Variants in CDH5 observed in about 807,000 individuals in gnomAD.
The protein encoded by CDH5 is cadherin 5, also known as cadherin-5.
A neutral mutation model predicts 62.0 loss-of-function variants in CDH5; 28 were observed. The ratio of observed to expected loss-of-function variants is 0.45; its 90% CI spans 0.33 to 0.62. The LOEUF (loss-of-function observed/expected upper bound fraction) is 0.62. CDH5 is among the 20% of genes least tolerant of loss of function. CDH5 has a pLI of 0.02. For synonymous variants in CDH5, 464 were observed against 445.8 expected (o/e 1.04, Z -0.52); for missense variants, 940 against 1,065.1 (o/e 0.88, Z 1.63).
At chr16:66,398,652 A>G (rs1961231607) in intron 10 of CDH5, 91 bp downstream of exon 10, 1 of 700,428 alleles carries the variant, frequency 1.4e-6, no homozygotes, top group Non-Finnish European at 2.6e-6. Flanking sequence ...AGATCGCTTG[A>G]GCCCAGGAGT....
chr16:66,376,331 CCAAA>C (rs1247303439), intron 1 of CDH5: 2 of 152,102 alleles, frequency 1.3e-5, no homozygotes, highest in Non-Finnish European at 1.5e-5. Flanking sequence ...CCATTGTTGA[CCAAA>C]CAGTCATTTT....
chr16:66,397,892 T>C, intron 8 of CDH5, 90 bp from the exon 9 acceptor site: 1 of 1,525,258 alleles, frequency 6.6e-7, no homozygotes, highest in Non-Finnish European at 9.0e-7. Context: ...AAAAGTGGCC[T>C]CCATAGGGCA....
At chr16:66,399,860 CTT>C (rs1364281872) in intron 10 of CDH5, among the ~76,000 whole-genome samples, 1 of 152,332 alleles carries the variant, frequency 6.6e-6, no homozygotes, top group East Asian at 1.9e-4. Context: ...ATATAATAGA[CTT>C]AATGCTGAAA....
intron 1 of CDH5, among the ~76,000 whole-genome samples, chr16:66,370,863 G>C (rs538845111): frequency 2.6e-5 from 4 of 152,218 alleles, no homozygotes; most frequent in African/African-American, 9.6e-5. Context: ...AGCTCTCCTC[G>C]AGGCTGGAAG....
intron 7 of CDH5, among the ~76,000 whole-genome samples, chr16:66,393,390 T>G (rs1348416930): frequency 2.0e-5 from 3 of 152,230 alleles, no homozygotes; most frequent in Admixed American, 1.3e-4. Context: ...GGAAGTATAG[T>G]GGCTTCTCCT....
In CDH5 at chr16:66,379,480, A is replaced by T. The variant is rs1421592214; in HGVS notation, c.143A>T (p.Asp48Val). The T allele has an allele frequency of 2.5e-6, 4 of 1,614,060 alleles. No individual in the cohort carries two copies. The highest frequency in any genetic ancestry group is 3.4e-6 in the Non-Finnish European group (4 of 1,180,024). Residue 48 changes from aspartate (D) to valine (V), a missense_variant, in exon 2 of 12, where the codon GAT becomes GTT. Transcript: ENST00000341529. ...CCCACCCACCGGCGCCAAAAGAGAG[A>T]TTGGATTTGGAACCAGATGCACATT... is the stretch of plus-strand genomic sequence containing the variant. The part of the protein sequence containing the change: ...LLPTHRRQKR[D>V]WIWNQMHIDE...
intron 1 of CDH5, among the ~76,000 whole-genome samples, chr16:66,371,733 G>T (rs1960694767): frequency 1.3e-5 from 2 of 152,148 alleles, no homozygotes; most frequent in Non-Finnish European, 2.9e-5. Context: ...GCTTGAGTGG[G>T]GCTCTGGTCA....
chr16:66,387,136 TC>T, intron 3 of CDH5, 39 bp downstream of exon 3: 1 of 1,574,352 alleles, frequency 6.4e-7, no homozygotes, highest in Non-Finnish European at 8.6e-7. Flanking sequence ...CCCTCCCTCA[TC>T]CCCAGCCTGG....
chr16:66,389,395 G>C lies in CDH5; in HGVS notation c.654G>C (p.Glu218Asp). ...IITITKSLDR[E>D]KQARYEIVVE... ...CAATAACGAAAAGCTTGGACCGAGA[G>C]AAGCAGGCCAGGTATGAGATCGTGG... The change falls in exon 5 of 12, where the codon GAG becomes GAC. Residue 218 changes from glutamate (E) to aspartate (D), a missense_variant. Physicochemically the swap from Glu to Asp is conservative, Grantham distance 45. Coordinates refer to ENST00000341529, the MANE Select transcript of CDH5 (RefSeq NM_001795.5). 1.2e-6 allele frequency: 2 copies of C among 1,613,480 alleles called. No homozygotes were observed. The highest frequency in any genetic ancestry group is 2.2e-5 in the South Asian group (2 of 90,986).
chr16:66,376,528 G>T (rs1314001606), intron 1 of CDH5: 6 of 152,134 alleles, frequency 3.9e-5, no homozygotes, highest in African/African-American at 1.2e-4. Flanking sequence ...TTTATGAAGG[G>T]ACTGCTTCAG....
intron 1 of CDH5, among the ~76,000 whole-genome samples, chr16:66,367,282 C>G (rs1313935914): frequency 6.6e-6 from 1 of 152,238 alleles, no homozygotes; most frequent in Non-Finnish European, 1.5e-5. Flanking sequence ...CCCTCTCGGT[C>G]AGCCAGTGCC....
intron 1 of CDH5, among the ~76,000 whole-genome samples, chr16:66,374,777 CTCTT>C (rs1008476986): frequency 6.8e-6 from 1 of 146,660 alleles, no homozygotes; most frequent in Admixed American, 6.9e-5. Context: ...CTGAAATTTT[CTCTT>C]TGTTTAATTT....
intron 1 of CDH5, among the ~76,000 whole-genome samples, chr16:66,372,328 G>A (rs1278570838): frequency 6.6e-6 from 1 of 152,252 alleles, no homozygotes; most frequent in Non-Finnish European, 1.5e-5. Context: ...ATAAATGTTT[G>A]CTGCATGACT....
Position 66,403,282 on chromosome 16 carries a change from TTCCTCGTGGG to T in CDH5, c.*117_*126del. 1 of 934,870 alleles carries T rather than the reference TTCCTCGTGGG, an allele frequency of 1.1e-6. No homozygotes were observed. The highest frequency in any genetic ancestry group is 1.6e-6 in the Non-Finnish European group (1 of 632,018). The allele number at this position is 934,870 out of a possible 1,614,324, so 57.9% of individuals were successfully genotyped here. A position where few individuals can be genotyped will look rare whatever the true frequency, so the allele number is the denominator to read the frequency against. On this transcript the variant is annotated 3_prime_UTR_variant, in exon 12 of 12. Transcript: ENST00000341529. The surrounding 1 kb of genome is among the most constrained non-coding windows in gnomAD (Gnocchi z 4.3). ...CAGTGACTCCCCAGCCCAGCACCCC[TTCCTCGTGGG>T]TCCCAGAGACCTCATCAGCCTTGGG...
At chr16:66,378,744 A>T (rs770735298) in intron 1 of CDH5, among the ~76,000 whole-genome samples, 1 of 152,150 alleles carries the variant, frequency 6.6e-6, no homozygotes, top group Non-Finnish European at 1.5e-5. Flanking sequence ...GTCCTAGCAC[A>T]TGTGACTCGC....
intron 2 of CDH5, among the ~76,000 whole-genome samples, chr16:66,385,185 T>C (rs950072251): frequency 7.9e-5 from 12 of 152,222 alleles, no homozygotes; most frequent in African/African-American, 2.2e-4. Context: ...ATGCATAGAA[T>C]ACTATTCTAT....
intron 2 of CDH5, among the ~76,000 whole-genome samples, chr16:66,383,903 A>G (rs1960938111): frequency 6.6e-6 from 1 of 151,694 alleles, no homozygotes; most frequent in African/African-American, 2.4e-5. Flanking sequence ...TGCATCATCT[A>G]ACTTCCCACC....
intron 3 of CDH5, 124 bp from the exon 4 acceptor site, chr16:66,388,200 T>G: frequency 1.5e-6 from 1 of 669,686 alleles, no homozygotes; most frequent in East Asian, 2.6e-5. Context: ...AAACAGCCTT[T>G]TATTCCCAGG....
chr16:66,385,267 T>C (rs1418422906), intron 2 of CDH5, among the ~76,000 whole-genome samples: 4 of 152,270 alleles, frequency 2.6e-5, no homozygotes, highest in Non-Finnish European at 5.9e-5. Context: ...CCTGTGGCTC[T>C]ATTATTGATA....
Sources: gnomAD v4.1 joint callset for allele counts (sites outside exome capture counted in the v4.1 genomes callset) on GRCh38, gnomAD v4.1.1 for gene constraint, Gnocchi (gnomAD v3.1) non-coding constraint, MANE v1.5 for transcripts, NCBI Gene and HGNC (gene_info 2026-07-23, HGNC 2026-07-21) for gene names.